The following GABBR2 variants were observed in gnomAD, a reference collection of about 807,000 sequenced individuals.
The protein encoded by GABBR2 is G-protein coupled receptor 51.
GABBR2 carries 23 observed loss-of-function variants against 105.6 expected under a neutral mutation model. That is an observed-to-expected ratio of 0.22 (90% CI 0.16 to 0.31). The LOEUF (loss-of-function observed/expected upper bound fraction) is 0.31. Among genes scored for constraint, GABBR2 ranks in the 10% least tolerant of loss-of-function variants. The pLI is 1.00. For synonymous variants in GABBR2, 478 were observed against 499.7 expected (o/e 0.96, Z 0.58); for missense variants, 734 against 1,245.5 (o/e 0.59, Z 6.18).
chr9:98,613,947 A>C (rs566485047), intron 1 of GABBR2, among the ~76,000 whole-genome samples: 1 of 152,326 alleles, frequency 6.6e-6, no homozygotes, highest in East Asian at 1.9e-4. Flanking sequence ...TAACAATTAA[A>C]ATTTTTGGAA....
chr9:98,306,465 CG>C lies in GABBR2; in HGVS notation c.2005-121del. The C allele has an allele frequency of 2.4e-6, 1 of 421,096 alleles. No homozygotes were observed. The allele number at this position is 421,096 out of a possible 1,614,324, so 26.1% of individuals were successfully genotyped here. On this transcript the variant is annotated intron_variant, in intron 14 of 18. Transcript: ENST00000259455. This position sits in a 1 kb window ranked among gnomAD's most constrained non-coding sequence, Gnocchi z 5.4. Reference sequence around the variant, plus strand: ...GAGGTGGGCTGCAGGGAGGGAGGGTCGGGGGCCTTGCTGTCAGCCGGGTCTT... The same window carrying C: ...GAGGTGGGCTGCAGGGAGGGAGGGTCGGGGCCTTGCTGTCAGCCGGGTCTT...
chr9:98,551,608 G>A (rs1247416679), intron 2 of GABBR2, among the ~76,000 whole-genome samples: 4 of 152,180 alleles, frequency 2.6e-5, no homozygotes, highest in African/African-American at 9.7e-5. Context: ...GCAGCATGGG[G>A]TGGGAAGAGA....
chr9:98,416,926 T>G (rs150374093), intron 7 of GABBR2, among the ~76,000 whole-genome samples: 1 of 150,836 alleles, frequency 6.6e-6, no homozygotes, highest in East Asian at 2.0e-4. Context: ...CCATCTACCA[T>G]GTGGTTTTGG....
intron 1 of GABBR2, among the ~76,000 whole-genome samples, chr9:98,593,700 G>A (rs938285296): frequency 6.6e-6 from 1 of 152,092 alleles, no homozygotes. Flanking sequence ...CCTAGCACAC[G>A]GGCCAGAGCT....
intron 1 of GABBR2, among the ~76,000 whole-genome samples, chr9:98,678,663 G>A (rs1003635727): frequency 5.9e-5 from 9 of 152,110 alleles, no homozygotes; most frequent in African/African-American, 1.9e-4. Flanking sequence ...TAGTGCATAC[G>A]GGGAGGTGAA....
At chr9:98,345,506 T>G (rs1831288016) in intron 13 of GABBR2, among the ~76,000 whole-genome samples, 1 of 152,222 alleles carries the variant, frequency 6.6e-6, no homozygotes, top group Non-Finnish European at 1.5e-5. Flanking sequence ...ACCTACTTAA[T>G]GGTGAAAAAC....
chr9:98,596,101 A>G, intron 1 of GABBR2, among the ~76,000 whole-genome samples: 1 of 152,240 alleles, frequency 6.6e-6, no homozygotes, highest in East Asian at 1.9e-4. Context: ...TTAATGGTCA[A>G]GGGTCTGGCT....
At chr9:98,551,229 C>G (rs746957643) in intron 2 of GABBR2, among the ~76,000 whole-genome samples, 10 of 152,064 alleles carry the variant, frequency 6.6e-5, no homozygotes, top group East Asian at 1.9e-4. Flanking sequence ...ATGGTGAAAC[C>G]CTGTCTCTAC....
At chr9:98,291,351 GC>G (rs1830300276) in intron 18 of GABBR2, among the ~76,000 whole-genome samples, 1 of 152,188 alleles carries the variant, frequency 6.6e-6, no homozygotes, top group Admixed American at 6.5e-5. Context: ...TAAGGACAAA[GC>G]TTTGCCTTTC....
intron 1 of GABBR2, among the ~76,000 whole-genome samples, chr9:98,650,764 T>G (rs1830092785): frequency 6.6e-6 from 1 of 152,208 alleles, no homozygotes; most frequent in African/African-American, 2.4e-5. Flanking sequence ...TAAAAAGGAA[T>G]GAAATTCCAA....
chr9:98,583,949 A>C (rs1237639741), intron 1 of GABBR2, among the ~76,000 whole-genome samples: 1 of 152,214 alleles, frequency 6.6e-6, no homozygotes, highest in Admixed American at 6.5e-5. Flanking sequence ...TACCCCATTT[A>C]AGTTGTCTGT....
At chr9:98,449,332 T>C (rs1041545194) in intron 7 of GABBR2, among the ~76,000 whole-genome samples, 13 of 152,244 alleles carry the variant, frequency 8.5e-5, no homozygotes, top group Non-Finnish European at 1.9e-4. Flanking sequence ...TGAGGGGCTC[T>C]TGGGGCCAGG....
At chr9:98,310,394 GC>G (rs11350965) in intron 14 of GABBR2, among the ~76,000 whole-genome samples, 11,756 of 151,878 alleles carry the variant, frequency 0.077, 1,566 homozygotes, top group African/African-American at 0.27. Context: ...GATTACAGGC[GC>G]CCACAACCAC....
intron 2 of GABBR2, among the ~76,000 whole-genome samples, chr9:98,576,133 A>C (rs1328014868): frequency 6.6e-6 from 1 of 152,106 alleles, no homozygotes; most frequent in African/African-American, 2.4e-5. Flanking sequence ...GCTCCACCCC[A>C]GCACCCCATG....
At chr9:98,493,232 G>A (rs1284074733) in intron 4 of GABBR2, among the ~76,000 whole-genome samples, 5 of 152,138 alleles carry the variant, frequency 3.3e-5, no homozygotes, top group African/African-American at 9.7e-5. Context: ...CAGTATGTGT[G>A]TTATTCCTTA....
chr9:98,414,181 G>A (rs1168847384), intron 7 of GABBR2, among the ~76,000 whole-genome samples: 3 of 152,184 alleles, frequency 2.0e-5, no homozygotes, highest in Non-Finnish European at 4.4e-5. Flanking sequence ...AAAAGAGCAG[G>A]GCTCCAAAAG....
chr9:98,530,038 G>T (rs1356586623), intron 3 of GABBR2, among the ~76,000 whole-genome samples: 5 of 152,130 alleles, frequency 3.3e-5, no homozygotes, highest in African/African-American at 9.7e-5. Flanking sequence ...TGGCAGATGG[G>T]CCTTGGGGGA....
At chr9:98,538,883 C>T (rs1264581731) in intron 3 of GABBR2, among the ~76,000 whole-genome samples, 1 of 152,170 alleles carries the variant, frequency 6.6e-6, no homozygotes, top group African/African-American at 2.4e-5. Context: ...GATGCCAAAG[C>T]CCTTGGGCAC....
chr9:98,419,049 CA>C (rs1224034147), intron 7 of GABBR2, among the ~76,000 whole-genome samples: 2 of 152,230 alleles, frequency 1.3e-5, no homozygotes, highest in African/African-American at 2.4e-5. Context: ...ATGCAATTTG[CA>C]ATCTGTTGGA....
Sources: allele counts gnomAD v4.1 joint callset (sites outside exome capture counted in the v4.1 genomes callset), GRCh38; gene constraint gnomAD v4.1.1; non-coding constraint Gnocchi (gnomAD v3.1); transcripts MANE v1.5; gene names NCBI Gene and HGNC (gene_info 2026-07-23, HGNC 2026-07-21).